Variants in TLE4 observed in about 807,000 individuals in gnomAD.
The protein encoded by TLE4 is transducin-like enhancer protein 4.
In TLE4, 8 loss-of-function variants were observed where a neutral mutation model predicts 92.8. That is an observed-to-expected ratio of 0.09 (90% confidence interval 0.05 to 0.16). The LOEUF (loss-of-function observed/expected upper bound fraction) is 0.16. TLE4 is among the 10% of genes least tolerant of loss of function. TLE4 has a pLI of 1.00. For synonymous variants in TLE4, 371 were observed against 374.1 expected, an observed-to-expected ratio of 0.99 and a Z score of 0.10; for missense variants, 675 against 997.6, an observed-to-expected ratio of 0.68 and a Z score of 4.36.
At chr9:79,717,118 C>T (rs549207087) in intron 14 of TLE4, among the ~76,000 whole-genome samples, 6 of 152,242 alleles carry the variant, frequency 3.9e-5, no homozygotes, top group Admixed American at 2.0e-4. Flanking sequence ...TTCTTCTTTC[C>T]GTCCCCTTAG....
chr9:79,721,033 C>T (rs2075548056), intron 16 of TLE4, among the ~76,000 whole-genome samples: 1 of 152,176 alleles, frequency 6.6e-6, no homozygotes, highest in African/African-American at 2.4e-5. Context: ...CCAGAGGTAG[C>T]TACAAGTCAG....
chr9:79,690,779 C>CGCTTT (rs2066893971), intron 8 of TLE4, among the ~76,000 whole-genome samples: 11 of 54,164 alleles, frequency 2.0e-4, no homozygotes, highest in Admixed American at 5.6e-4. Context: ...CCACTCCTGG[C>CGCTTT]TTTTTTTTTT....
intron 8 of TLE4, among the ~76,000 whole-genome samples, chr9:79,655,131 ACT>A (rs946277687): frequency 1.3e-5 from 2 of 152,054 alleles, no homozygotes; most frequent in South Asian, 2.1e-4. Context: ...ACAGAGTGAG[ACT>A]CTGTCTCAAA....
At chr9:79,584,185 C>A (rs1587700170) in intron 4 of TLE4, among the ~76,000 whole-genome samples, 1 of 152,336 alleles carries the variant, frequency 6.6e-6, no homozygotes, top group East Asian at 1.9e-4. Context: ...AAATAACATG[C>A]TTGTTTCTAT....
chr9:79,605,788 T>A (rs1209148928), intron 4 of TLE4, among the ~76,000 whole-genome samples: 1 of 152,150 alleles, frequency 6.6e-6, no homozygotes, highest in Non-Finnish European at 1.5e-5. Flanking sequence ...TCCAGTTAAC[T>A]GAGCCGCACA....
intron 16 of TLE4, among the ~76,000 whole-genome samples, chr9:79,720,932 GA>G (rs77366639): frequency 0.022 from 3,389 of 152,256 alleles, 51 homozygotes; most frequent in Middle Eastern, 0.065. Flanking sequence ...TGGTAGATGG[GA>G]AAAGCTCTGA....
At chr9:79,718,397 A>G (rs2074988189) in intron 14 of TLE4, among the ~76,000 whole-genome samples, 1 of 152,128 alleles carries the variant, frequency 6.6e-6, no homozygotes, top group Non-Finnish European at 1.5e-5. Flanking sequence ...ACTGCACTTG[A>G]CGGTGGTTAT....
chr9:79,588,627 G>A (rs1303445242), intron 4 of TLE4, among the ~76,000 whole-genome samples: 2 of 151,864 alleles, frequency 1.3e-5, no homozygotes, highest in African/African-American at 2.4e-5. Context: ...CTGTTTGTCC[G>A]TGGCTGGATA....
chr9:79,592,155 C>CTTTCTTCT (rs769209629), intron 4 of TLE4, among the ~76,000 whole-genome samples: 1 of 146,322 alleles, frequency 6.8e-6, no homozygotes, highest in Non-Finnish European at 1.5e-5. Flanking sequence ...CTTCTTTCTT[C>CTTTCTTCT]TTCTTCTTCT....
chr9:79,574,933 C>T lies in TLE4; in HGVS notation c.204C>T (p.Val68=), dbSNP rs1307098553. The change falls in exon 3 of 20, where the codon GTC becomes GTT. Residue 68 remains valine, a synonymous_variant. Transcript: ENST00000376552. ...SEKTEMQRHY[V]MYYEMSYGLN... ...AGACAGAGATGCAGCGGCATTATGT[C>T]ATGGTAAGAAAACCATGTCACAGAT... is the stretch of plus-strand genomic sequence containing the variant. 9 of 1,613,058 alleles carry T rather than the reference C, an allele frequency of 5.6e-6. No homozygotes were observed. The Admixed American group carries it at 1.3e-4, about 24-fold the overall frequency.
chr9:79,711,661 G>A (rs970480571), intron 14 of TLE4, among the ~76,000 whole-genome samples: 7 of 152,324 alleles, frequency 4.6e-5, no homozygotes, highest in Admixed American at 1.3e-4. Flanking sequence ...CCTTGGCTAA[G>A]GGATTTGGAC....
chr9:79,685,244 G>A (rs545541484), intron 8 of TLE4, among the ~76,000 whole-genome samples: 8 of 152,200 alleles, frequency 5.3e-5, no homozygotes, highest in Admixed American at 1.3e-4. Context: ...ATTCCTGCTG[G>A]GTAATTTGTA....
At chr9:79,573,216 A>C (rs2036400003) in intron 1 of TLE4, 1 of 997,086 alleles carries the variant, frequency 1.0e-6, no homozygotes, top group South Asian at 4.4e-5. Flanking sequence ...TGCGGTTTGG[A>C]AGTGCGGGGC....
intron 8 of TLE4, among the ~76,000 whole-genome samples, chr9:79,666,032 G>A (rs549110171): frequency 6.6e-6 from 1 of 152,132 alleles, no homozygotes; most frequent in South Asian, 2.1e-4. Flanking sequence ...TTTATGCCAA[G>A]AACTAAAAAT....
chr9:79,654,963 G>A (rs1362773491), intron 8 of TLE4, among the ~76,000 whole-genome samples: 4 of 152,232 alleles, frequency 2.6e-5, no homozygotes, highest in African/African-American at 4.8e-5. Context: ...CCAACATGGC[G>A]AAACCCCGTC....
At chr9:79,606,184 GTTGT>G (rs2046816195) in intron 4 of TLE4, among the ~76,000 whole-genome samples, 2 of 18,410 alleles carry the variant, frequency 1.1e-4, no homozygotes, top group East Asian at 2.5e-3. Context: ...AGCAGTAGTA[GTTGT>G]TTTTTTTTTT....
intron 8 of TLE4, among the ~76,000 whole-genome samples, chr9:79,665,174 A>G (rs2061190367): frequency 6.6e-6 from 1 of 152,136 alleles, no homozygotes. Context: ...GATTTTTCTG[A>G]TTTGTTTTTT....
intron 4 of TLE4, among the ~76,000 whole-genome samples, chr9:79,603,458 A>G (rs1716443758): frequency 6.6e-6 from 1 of 152,218 alleles, no homozygotes; most frequent in Admixed American, 6.5e-5. Context: ...CTGAAAGCTC[A>G]GATAATGGTT....
chr9:79,614,072 G>GGT, intron 5 of TLE4, among the ~76,000 whole-genome samples: 1 of 152,052 alleles, frequency 6.6e-6, no homozygotes, highest in African/African-American at 2.4e-5. Flanking sequence ...AGAGTCAAGG[G>GGT]GTGTATCTGC....
Sources: allele counts gnomAD v4.1 joint callset (sites outside exome capture counted in the v4.1 genomes callset), GRCh38; gene constraint gnomAD v4.1.1; transcripts MANE v1.5; gene names NCBI Gene and HGNC (gene_info 2026-07-23, HGNC 2026-07-21).